Variants in ST18 observed in about 807,000 individuals in gnomAD.
The protein encoded by ST18 is ST18 C2H2C-type zinc finger transcription factor.
In ST18, 50 loss-of-function variants were observed where a neutral mutation model predicts 110.0. The observed-to-expected ratio is 0.45, with a 90% confidence interval of 0.36 to 0.58. ST18 has a LOEUF of 0.58. Among genes scored for constraint, ST18 ranks in the 20% least tolerant of loss-of-function variants. ST18 has a pLI of 0.00. For missense variants in ST18, 1,306 were observed against 1,280.1 expected (o/e 1.02, Z -0.31); for synonymous variants, 461 against 452.4 (o/e 1.02, Z -0.24).
chr8:52,176,463 G>T (rs866450276), intron 9 of ST18, among the ~76,000 whole-genome samples: 1 of 152,156 alleles, frequency 6.6e-6, no homozygotes, highest in South Asian at 2.1e-4. Flanking sequence ...AATGTCTAGG[G>T]TCAGCTCTTG....
rs537852035 is a variant in ST18 at position 52,211,944 on chromosome 8, C to A, written c.86+135G>T. 6 of 840,112 alleles carry A rather than the reference C, an allele frequency of 7.1e-6. No homozygotes were observed. The Admixed American group carries it at 7.3e-5, about 10-fold the overall frequency. 52.0% of individuals were successfully genotyped at this position (840,112 alleles called of 1,614,324 possible). ...CTCCTCCGCCTTCTTGGTGCATACA[C>A]AACGTCTGGATGGAAAAAGCCCTTT... On this transcript the variant is annotated intron_variant, in intron 8 of 25. Coordinates refer to ENST00000689386, the MANE Select transcript of ST18 (RefSeq NM_001352837.2).
intron 8 of ST18, among the ~76,000 whole-genome samples, chr8:52,186,244 C>A (rs73679159): frequency 0.042 from 6,412 of 152,208 alleles, 456 homozygotes; most frequent in African/African-American, 0.14. Context: ...AGACAGACTG[C>A]CAATTTTAAA....
intron 2 of ST18, among the ~76,000 whole-genome samples, chr8:52,356,783 G>A (rs1483870774): frequency 6.6e-6 from 1 of 152,032 alleles, no homozygotes; most frequent in Non-Finnish European, 1.5e-5. Context: ...AATGAAAAGA[G>A]AGAAATTTTC....
At chr8:52,185,273 G>T (rs2071585573) in intron 8 of ST18, among the ~76,000 whole-genome samples, 1 of 152,140 alleles carries the variant, frequency 6.6e-6, no homozygotes, top group African/African-American at 2.4e-5. Flanking sequence ...GAAAGCTAGT[G>T]AAGGCCTAAA....
intron 2 of ST18, among the ~76,000 whole-genome samples, chr8:52,284,723 C>T (rs377205197): frequency 6.6e-6 from 1 of 152,048 alleles, no homozygotes; most frequent in South Asian, 2.1e-4. Flanking sequence ...GCCAGAGCTT[C>T]GAGAACTGAG....
chr8:52,309,287 G>A (rs2095862365), intron 2 of ST18, among the ~76,000 whole-genome samples: 1 of 152,168 alleles, frequency 6.6e-6, no homozygotes, highest in Admixed American at 6.5e-5. Context: ...TTGGGTGGCC[G>A]AGGTGGGTGG....
intron 2 of ST18, among the ~76,000 whole-genome samples, chr8:52,265,184 C>G (rs962823948): frequency 2.0e-5 from 3 of 152,190 alleles, no homozygotes; most frequent in Non-Finnish European, 2.9e-5. Flanking sequence ...GACAAGGCAA[C>G]TGCCGAAGCC....
At chr8:52,138,093 CAAA>C (rs35928892) in intron 17 of ST18, among the ~76,000 whole-genome samples, 6 of 59,566 alleles carry the variant, frequency 1.0e-4, no homozygotes, top group Non-Finnish European at 1.2e-4. Flanking sequence ...AACTCTGTCT[CAAA>C]AAAAAAAAAA....
At chr8:52,141,477 C>T (rs539318774) in intron 17 of ST18, among the ~76,000 whole-genome samples, 24 of 152,278 alleles carry the variant, frequency 1.6e-4, no homozygotes, top group African/African-American at 4.3e-4. Context: ...AGAGCAAAGA[C>T]GGAGGAGAGA....
intron 21 of ST18, 70 bp from the exon 22 acceptor site, chr8:52,132,249 A>C: frequency 1.5e-6 from 2 of 1,325,018 alleles, no homozygotes; most frequent in Non-Finnish European, 2.1e-6. Context: ...CCAGAGAACA[A>C]ACCATGCAAT....
chr8:52,212,783 C>T (rs2082675265), intron 7 of ST18, among the ~76,000 whole-genome samples: 1 of 152,088 alleles, frequency 6.6e-6, no homozygotes, highest in Admixed American at 6.5e-5. Context: ...TGTTTCATTT[C>T]TAGAAGAACA....
Position 52,195,418 on chromosome 8 carries a change from T to C in ST18, c.87-15106A>G, listed in dbSNP as rs2075890917. On this transcript the variant is annotated intron_variant, in intron 8 of 25. Coordinates refer to ENST00000689386, the MANE Select transcript of ST18 (RefSeq NM_001352837.2). ...ATAATAAAATATATGTGACTTTATA[T>C]TTATTTTTCAAACAGTGTTATAAAA... Among the ~76,000 whole-genome samples, 5 of 152,102 alleles carry C rather than the reference T, an allele frequency of 3.3e-5. No individual in the cohort carries two copies. In the South Asian group the frequency reaches 1.0e-3, roughly 32 times the overall value.
chr8:52,373,375 C>T (rs557348454), intron 2 of ST18, among the ~76,000 whole-genome samples: 2 of 152,224 alleles, frequency 1.3e-5, no homozygotes, highest in East Asian at 1.9e-4. Flanking sequence ...GATGTTAGCT[C>T]CTGCTTTCTA....
intron 2 of ST18, among the ~76,000 whole-genome samples, chr8:52,310,027 A>G (rs2095878032): frequency 6.6e-6 from 1 of 152,240 alleles, no homozygotes; most frequent in Admixed American, 6.5e-5. Flanking sequence ...TCCTGAATTC[A>G]GAGGCCATGT....
chr8:52,369,610 C>T (rs567777003), intron 2 of ST18, among the ~76,000 whole-genome samples: 71 of 152,218 alleles, frequency 4.7e-4, no homozygotes, highest in Admixed American at 9.8e-4. Context: ...AGATGCCAAA[C>T]CTATAACTAA....
At position 52,191,459 on chromosome 8, in the gene ST18, G is replaced by A. The variant is rs62501004; in HGVS notation, c.87-11147C>T. Among the ~76,000 whole-genome samples the A allele has an allele frequency of 4.0e-3, 615 of 152,284 alleles. 3 individuals are homozygous for A. Among genetic ancestry groups the A allele is most frequent in the Non-Finnish European group, 6.9e-3 (471 of 68,020 alleles). ...AAGGTCCAAAATTCGGCTGAAACAAGTCTAGTGGGAACAAGCAAGCCATAT... is the reference window on the plus strand; with the variant it reads ...AAGGTCCAAAATTCGGCTGAAACAAATCTAGTGGGAACAAGCAAGCCATAT... On this transcript the variant is annotated intron_variant, in intron 8 of 25. Transcript: ENST00000689386.
intron 2 of ST18, among the ~76,000 whole-genome samples, chr8:52,324,769 T>C (rs1332788527): frequency 1.3e-5 from 2 of 152,224 alleles, no homozygotes; most frequent in African/African-American, 4.8e-5. Context: ...AATGACCTGA[T>C]ATTCATTACC....
intron 2 of ST18, among the ~76,000 whole-genome samples, chr8:52,314,001 C>T (rs1486126811): frequency 3.9e-5 from 6 of 152,152 alleles, no homozygotes; most frequent in Non-Finnish European, 7.3e-5. Flanking sequence ...CTCCACTGGG[C>T]CTACCTTCAG....
intron 8 of ST18, among the ~76,000 whole-genome samples, chr8:52,197,027 T>G (rs1037068980): frequency 3.9e-5 from 6 of 152,154 alleles, no homozygotes; most frequent in Non-Finnish European, 7.3e-5. Context: ...AAATAAGAAT[T>G]TTACATTTTA....
Sources: gnomAD v4.1 joint callset for allele counts (sites outside exome capture counted in the v4.1 genomes callset) on GRCh38, gnomAD v4.1.1 for gene constraint, MANE v1.5 for transcripts, NCBI Gene and HGNC (gene_info 2026-07-23, HGNC 2026-07-21) for gene names.